TLK1: variants seen among roughly 807,000 people sequenced by gnomAD.
TLK1 encodes tousled like kinase 1.
Under a neutral mutation model 105.3 loss-of-function variants are expected in TLK1, and 24 were observed. That is an observed-to-expected ratio of 0.23 (90% CI 0.17 to 0.32). The LOEUF (loss-of-function observed/expected upper bound fraction) is 0.32. Among genes scored for constraint, TLK1 ranks in the 10% least tolerant of loss-of-function variants. The pLI, the probability that TLK1 is intolerant of heterozygous loss-of-function variation, is 1.00. For missense variants in TLK1, 558 were observed against 910.5 expected, an observed-to-expected ratio of 0.61 and a Z score of 4.98; for synonymous variants, 321 against 310.4, an observed-to-expected ratio of 1.03 and a Z score of -0.36.
intron 3 of TLK1, chr2:171,066,769 A>T: frequency 6.8e-7 from 1 of 1,471,600 alleles, no homozygotes. Flanking sequence ...CTATCCCTTT[A>T]AGGCTTTATT....
chr2:171,096,037 G>GA (rs1016533434), intron 2 of TLK1, among the ~76,000 whole-genome samples: 34 of 149,136 alleles, frequency 2.3e-4, no homozygotes, highest in East Asian at 3.9e-4. Flanking sequence ...CTAAAGGAAA[G>GA]AAAAAAAAAG....
intron 8 of TLK1, among the ~76,000 whole-genome samples, chr2:171,050,605 C>A (rs1224298505): frequency 6.6e-6 from 1 of 152,072 alleles, no homozygotes; most frequent in African/African-American, 2.4e-5. Flanking sequence ...TGTGGGTTTT[C>A]CTCTATCTCT....
chr2:171,108,418 GA>G (rs1326203557), intron 2 of TLK1, among the ~76,000 whole-genome samples: 1 of 151,774 alleles, frequency 6.6e-6, no homozygotes, highest in Admixed American at 6.6e-5. Flanking sequence ...AAAACATCAG[GA>G]AAAAAATTCA....
At chr2:171,219,278 G>A (rs888053451) in intron 1 of TLK1, among the ~76,000 whole-genome samples, 1 of 152,108 alleles carries the variant, frequency 6.6e-6, no homozygotes. Flanking sequence ...TCAAATTATG[G>A]AGGCTGCTGG....
chr2:171,186,474 TG>T (rs1693027333), intron 1 of TLK1, among the ~76,000 whole-genome samples: 1 of 152,194 alleles, frequency 6.6e-6, no homozygotes, highest in Non-Finnish European at 1.5e-5. Context: ...GAGCCAGAGA[TG>T]CTAAATATCC....
chr2:171,159,725 G>A (rs971833578), intron 1 of TLK1: 2 of 152,322 alleles, frequency 1.3e-5, no homozygotes, highest in Admixed American at 6.6e-5. Flanking sequence ...GGGCCACACA[G>A]GGGATCAAAG....
chr2:171,101,633 A>C (rs1440860694), intron 2 of TLK1, among the ~76,000 whole-genome samples: 1 of 152,210 alleles, frequency 6.6e-6, no homozygotes, highest in Non-Finnish European at 1.5e-5. Flanking sequence ...ATGGTATGTT[A>C]ATTATATCTC....
intron 3 of TLK1, among the ~76,000 whole-genome samples, chr2:171,079,327 G>A (rs1330133908): frequency 6.6e-6 from 1 of 152,180 alleles, no homozygotes; most frequent in African/African-American, 2.4e-5. Flanking sequence ...AATGGAATTG[G>A]TGGTTTCTTG....
chr2:171,035,799 C>T (rs531513521), intron 11 of TLK1, among the ~76,000 whole-genome samples: 5 of 151,944 alleles, frequency 3.3e-5, no homozygotes, highest in Non-Finnish European at 5.9e-5. Context: ...CTTGACTGGC[C>T]GCTGCTGGCT....
At chr2:171,118,018 C>T (rs1212682169) in intron 1 of TLK1, among the ~76,000 whole-genome samples, 161 bp from the exon 2 acceptor site, 10 of 152,144 alleles carry the variant, frequency 6.6e-5, no homozygotes, top group African/African-American at 2.2e-4. Flanking sequence ...ATGTACACAT[C>T]AACTTATCAA....
Position 171,024,366 on chromosome 2 carries a change from C to G in TLK1, c.1236+3973G>C, listed in dbSNP as rs146732981. 2.6e-5 allele frequency among the ~76,000 whole-genome samples: 4 copies of G among 152,082 alleles called. No individual in the cohort carries two copies. The East Asian group carries it at 7.7e-4, about 29-fold the overall frequency. The stretch of plus-strand genomic sequence containing the variant: ...TAAAGAAATATTGTAGTTGATTCAA[C>G]AGTCACTAACATAATGCCCAAGGAA... On this transcript the variant is annotated intron_variant, in intron 12 of 20. Transcript: ENST00000431350.
chr2:171,090,470 T>C (rs1041609404), intron 2 of TLK1, among the ~76,000 whole-genome samples: 1 of 152,240 alleles, frequency 6.6e-6, no homozygotes, highest in Non-Finnish European at 1.5e-5. Flanking sequence ...TGTGTTCAGT[T>C]TGTGAACATT....
intron 1 of TLK1, among the ~76,000 whole-genome samples, chr2:171,133,117 T>C (rs1691169000): frequency 6.6e-6 from 1 of 152,180 alleles, no homozygotes; most frequent in Non-Finnish European, 1.5e-5. Context: ...GCTACTTTAG[T>C]CAAGTTGAAA....
chr2:171,194,723 A>G (rs1693229405), intron 1 of TLK1, among the ~76,000 whole-genome samples: 1 of 150,970 alleles, frequency 6.6e-6, no homozygotes, highest in Admixed American at 6.6e-5. Context: ...AGGCTGAGGC[A>G]GGAGAATGGC....
At chr2:171,158,967 C>A (rs1000892573) in intron 1 of TLK1, among the ~76,000 whole-genome samples, 1 of 152,170 alleles carries the variant, frequency 6.6e-6, no homozygotes, top group Admixed American at 6.5e-5. Flanking sequence ...CATATTCATG[C>A]CAATCTTTAA....
At chr2:171,138,061 G>C (rs919564635) in intron 1 of TLK1, among the ~76,000 whole-genome samples, 3 of 151,934 alleles carry the variant, frequency 2.0e-5, no homozygotes, top group Non-Finnish European at 4.4e-5. Flanking sequence ...TAAAATTATT[G>C]AGAACTAATG....
chr2:171,098,667 C>T (rs1357830687), intron 2 of TLK1, among the ~76,000 whole-genome samples: 1 of 152,112 alleles, frequency 6.6e-6, no homozygotes, highest in African/African-American at 2.4e-5. Flanking sequence ...ATAAAAACAT[C>T]ACAAGAAAAT....
intron 1 of TLK1, among the ~76,000 whole-genome samples, chr2:171,199,144 G>A (rs985494171): frequency 3.9e-5 from 6 of 152,164 alleles, no homozygotes; most frequent in African/African-American, 7.2e-5. Context: ...TATTAGGAAT[G>A]TGCATGTGTA....
At chr2:171,227,498 A>T (rs1157232707) in intron 1 of TLK1, among the ~76,000 whole-genome samples, 1 of 151,112 alleles carries the variant, frequency 6.6e-6, no homozygotes, top group Non-Finnish European at 1.5e-5. Flanking sequence ...CCTGAGTCCA[A>T]ATAATCTGGG....
Sources: gnomAD v4.1 joint callset for allele counts (sites outside exome capture counted in the v4.1 genomes callset) on GRCh38, gnomAD v4.1.1 for gene constraint, MANE v1.5 for transcripts, NCBI Gene and HGNC (gene_info 2026-07-23, HGNC 2026-07-21) for gene names.